The following ARHGAP45 variants were observed in gnomAD, a reference collection of about 807,000 sequenced individuals.
ARHGAP45 encodes Rho GTPase activating protein 45.
ARHGAP45 carries 56 observed loss-of-function variants against 116.1 expected under a neutral mutation model. That is an observed-to-expected ratio of 0.48 (90% CI 0.39 to 0.60). ARHGAP45 has a LOEUF of 0.60. Ranked by LOEUF, ARHGAP45 falls within the 20% of genes least tolerant of loss-of-function variation. The probability of loss-of-function intolerance (pLI) is 0.00; values close to 1 mark genes in which losing one functional copy is unlikely to be tolerated. For missense variants in ARHGAP45, 1,622 were observed against 1,601.0 expected, an observed-to-expected ratio of 1.01 and a Z score of -0.22; for synonymous variants, 866 against 701.7, an observed-to-expected ratio of 1.23 and a Z score of -3.70.
In ARHGAP45 at chr19:1,080,342, C is replaced by T. The variant is rs1365758111; in HGVS notation, c.1791C>T (p.Gly597=). 1 of 1,608,626 alleles carries T rather than the reference C, an allele frequency of 6.2e-7. No individual in the cohort carries two copies. The highest frequency in any genetic ancestry group is 8.5e-7 in the Non-Finnish European group (1 of 1,179,048). ...CTGCCGGGAGCCCCCCAGAAGAAGG[C>T]GGGTGCACTGAGGGCACACCTGCCA... The part of the protein sequence containing the change: ...PEAAGSPPEE[G]GCTEGTPAKD... Residue 597 remains glycine (G), a synonymous_variant, in exon 14 of 23, where the codon GGC becomes GGT. Coordinates refer to ENST00000313093, the MANE Select transcript of ARHGAP45 (RefSeq NM_012292.5).
chr19:1,082,756 TG>T (rs2043477611), intron 19 of ARHGAP45, 83 bp from the exon 20 acceptor site: 1 of 1,117,592 alleles, frequency 8.9e-7, no homozygotes, highest in Admixed American at 4.0e-5. Flanking sequence ...TCTGTGGGGG[TG>T]GGGCTGAGGC....
chr19:1,081,759 G>A, intron 18 of ARHGAP45, 21 bp downstream of exon 18: 1 of 1,557,670 alleles, frequency 6.4e-7, no homozygotes, highest in Non-Finnish European at 8.7e-7. Flanking sequence ...GGAGGAAGCG[G>A]CTCACAGCGA....
In ARHGAP45 at chr19:1,082,855, A is replaced by G; in HGVS notation, c.2533A>G (p.Ile845Val). Residue 845 changes from isoleucine to valine, a missense_variant, in exon 20 of 23, where the codon ATC becomes GTC. By Grantham distance (29) the Ile-to-Val change is conservative (BLOSUM62 3). This residue lies in a region of ARHGAP45 where 1,334 missense variants were observed against 1,263.8 expected (regional missense o/e 1.06). Transcript: ENST00000313093. ...LYLRQLPEPL[I>V]SFRLYHELVG... ...CTCTGCGCAGCTTCCCGAGCCGCTCATCTCCTTCCGCCTCTACCACGAGCT... is the reference window on the plus strand; with the variant it reads ...CTCTGCGCAGCTTCCCGAGCCGCTCGTCTCCTTCCGCCTCTACCACGAGCT... The G allele has an allele frequency of 1.3e-6, 2 of 1,532,350 alleles. No homozygotes were observed. The highest frequency in any genetic ancestry group is 1.8e-6 in the Non-Finnish European group (2 of 1,139,812). 94.9% of individuals were successfully genotyped at this position (1,532,350 alleles called of 1,614,324 possible). A position where few individuals can be genotyped will look rare whatever the true frequency, so the allele number is the denominator to read the frequency against.
chr19:1,067,450 C>A lies in ARHGAP45; in HGVS notation c.45C>A (p.Ile15=). The A allele has an allele frequency of 1.2e-6, 2 of 1,605,792 alleles. No homozygotes were observed. The highest frequency in any genetic ancestry group is 1.7e-6 in the Non-Finnish European group (2 of 1,176,650). ...KKRELMKTPS[I]SKKNRAGSPS... is the part of the protein sequence containing the mutation. The stretch of plus-strand genomic sequence containing the variant: ...GAGAGCTCATGAAAACCCCTTCCAT[C>A]TCGAAAAAGAACCGCGCGGGAAGCC... Residue 15 remains isoleucine (I), a synonymous_variant, in exon 1 of 23, where the codon ATC becomes ATA. Coordinates refer to ENST00000313093, the MANE Select transcript of ARHGAP45 (RefSeq NM_012292.5).
At chr19:1,081,495 G>C in intron 17 of ARHGAP45, 55 bp from the exon 18 acceptor site, 2 of 1,425,766 alleles carry the variant, frequency 1.4e-6, no homozygotes, top group Non-Finnish European at 1.8e-6. Flanking sequence ...GCCGCTGGGG[G>C]CTGCGCTGAG....
Position 1,085,748 on chromosome 19 carries a change from C to T in ARHGAP45, c.3153C>T (p.His1051=), listed in dbSNP as rs779476323. The T allele has an allele frequency of 4.3e-6, 7 of 1,612,426 alleles. No homozygotes were observed. The highest frequency in any genetic ancestry group is 5.9e-6 in the Non-Finnish European group (7 of 1,179,734). Residue 1051 remains histidine (H), a synonymous_variant, in exon 23 of 23, where the codon CAC becomes CAT. Coordinates refer to ENST00000313093, the MANE Select transcript of ARHGAP45 (RefSeq NM_012292.5). The part of the protein sequence containing the change: ...LSSSEASALG[H]LSFLEQQQSE... The stretch of plus-strand genomic sequence containing the variant: ...CATCGGAGGCCAGTGCCCTGGGCCA[C>T]CTCAGCTTCCTGGAGCAGCAGCAGA...
upstream of ARHGAP45, chr19:1,066,220 G>T: frequency 6.8e-7 from 1 of 1,465,596 alleles, no homozygotes; most frequent in Admixed American, 2.0e-5. Context: ...GATTGGGGGT[G>T]GGGTTCTGGA....
In ARHGAP45 at chr19:1,085,774, G is replaced by T; in HGVS notation, c.3179G>T (p.Ser1060Ile). The change falls in exon 23 of 23, where the codon AGC (serine) becomes ATC (isoleucine). Residue 1060 changes from serine (S) to isoleucine (I), a missense_variant. This residue lies in a region of ARHGAP45 where 1,334 missense variants were observed against 1,263.8 expected (regional missense o/e 1.06). Coordinates refer to ENST00000313093, the MANE Select transcript of ARHGAP45 (RefSeq NM_012292.5). ...GHLSFLEQQQSEASLEVASGS... is the reference protein window; with the variant it reads ...GHLSFLEQQQIEASLEVASGS... ...CTCAGCTTCCTGGAGCAGCAGCAGAGCGAGGCCAGCCTAGAGGTGGCTTCT... is the reference window on the plus strand; with the variant it reads ...CTCAGCTTCCTGGAGCAGCAGCAGATCGAGGCCAGCCTAGAGGTGGCTTCT... 1 of 1,612,744 alleles carries T rather than the reference G, an allele frequency of 6.2e-7. No individual in the cohort carries two copies. Among genetic ancestry groups the T allele is most frequent in the Non-Finnish European group, 8.5e-7 (1 of 1,179,846 alleles).
rs975891283 is a variant in ARHGAP45 at position 1,086,419 on chromosome 19, T to C, written c.*413T>C. On this transcript the variant is annotated 3_prime_UTR_variant, in exon 23 of 23. Transcript: ENST00000313093. ...GTTGCAGGGACTCCAGAAACCATTC[T>C]GGGAGCCGTGGATGGGGGCGGAGCT... 2.4e-4 allele frequency: 43 copies of C among 178,586 alleles called. No individual in the cohort carries two copies. The highest frequency in any genetic ancestry group is 8.4e-5 in the Non-Finnish European group (7 of 83,432). The allele number at this position is 178,586 out of a possible 1,614,324, so 11.1% of individuals were successfully genotyped here. A position where few individuals can be genotyped will look rare whatever the true frequency, so the allele number is the denominator to read the frequency against.
intron 10 of ARHGAP45, chr19:1,077,168 C>T: frequency 1.0e-6 from 1 of 985,336 alleles, no homozygotes; most frequent in Non-Finnish European, 1.2e-6. Flanking sequence ...CCTGCCTGGG[C>T]GGCTTCTCTG....
Position 1,086,165 on chromosome 19 carries a change from A to C in ARHGAP45, c.*159A>C. ...CCCACCAGCGGGCGCCTCCTCCCAG[A>C]GGCTTCCAGGAGCACGAGGGCCTTG... On this transcript the variant is annotated 3_prime_UTR_variant, in exon 23 of 23. Coordinates refer to ENST00000313093, the MANE Select transcript of ARHGAP45 (RefSeq NM_012292.5). 1 of 645,172 alleles carries C rather than the reference A, an allele frequency of 1.5e-6. No individual in the cohort carries two copies. The highest frequency in any genetic ancestry group is 2.7e-6 in the Non-Finnish European group (1 of 375,854). The allele number at this position is 645,172 out of a possible 1,614,324, so 40.0% of individuals were successfully genotyped here.
intron 10 of ARHGAP45, among the ~76,000 whole-genome samples, chr19:1,075,330 C>T (rs540513723): frequency 2.0e-5 from 3 of 151,358 alleles, no homozygotes; most frequent in African/African-American, 7.3e-5. Context: ...CTGCAACCTC[C>T]ATCTCCCTGG....
At position 1,068,710 on chromosome 19, in the gene ARHGAP45, C is replaced by G; in HGVS notation, c.387C>G (p.Gly129=). The change falls in exon 2 of 23, where the codon GGC becomes GGG. Residue 129 remains glycine (G), a synonymous_variant. Coordinates refer to ENST00000313093, the MANE Select transcript of ARHGAP45 (RefSeq NM_012292.5). The surrounding 1 kb of genome is among the most constrained non-coding windows in gnomAD (Gnocchi z 7.5). ...LLADVARFAE[G]LEKLKECVLR... ...CGGACGTGGCCCGCTTCGCTGAGGG[C>G]CTTGAGAAACTTAAGGAGTGTGTGT... 6.2e-7 allele frequency: 1 copy of G among 1,612,576 alleles called. No individual in the cohort carries two copies. Among genetic ancestry groups the G allele is most frequent in the Non-Finnish European group, 8.5e-7 (1 of 1,179,992 alleles).
intron 10 of ARHGAP45, among the ~76,000 whole-genome samples, chr19:1,076,115 C>G (rs541552560): frequency 6.6e-6 from 1 of 152,176 alleles, no homozygotes; most frequent in South Asian, 2.1e-4. Flanking sequence ...GTTGCTGTTA[C>G]GAACACCATT....
chr19:1,080,785 G>C lies in ARHGAP45; in HGVS notation c.2016G>C (p.Gln672His). Residue 672 changes from glutamine (Q) to histidine (H), a missense_variant and splice_region_variant, in exon 16 of 23, where the codon CAG (glutamine) becomes CAC (histidine). By Grantham distance (24) the Gln-to-His change is conservative (BLOSUM62 0). Transcript: ENST00000313093. ...GAGCCGGGGCTTCAGCCTTTGAGCA[G>C]GGTGAGGGTCCCCTGACGGGGCTGG... ...DGGAGASAFE[Q>H]ADLNGMTPEL... 6.2e-7 allele frequency: 1 copy of C among 1,613,312 alleles called. No individual in the cohort carries two copies. The highest frequency in any genetic ancestry group is 8.5e-7 in the Non-Finnish European group (1 of 1,179,924).
At position 1,082,990 on chromosome 19, in the gene ARHGAP45, C is replaced by A. The variant is rs755709803; in HGVS notation, c.2668C>A (p.Arg890=). The change falls in exon 20 of 23, where the codon CGG becomes AGG. Residue 890 remains arginine, a synonymous_variant. Transcript: ENST00000313093. ...GGCAGTGGCGGTGGCCCTGGCAGGT[C>A]GGCTGCGGGAGCTCCTGCGGGACCT... ...SEAVAVALAG[R]LRELLRDLPP... is the part of the protein sequence containing the mutation. 2.6e-6 allele frequency: 4 copies of A among 1,549,746 alleles called. No individual in the cohort carries two copies. In the African/African-American group the frequency reaches 5.4e-5, roughly 21 times the overall value.
Position 1,073,929 on chromosome 19 carries a change from C to T in ARHGAP45, c.724-19C>T. 6.5e-7 allele frequency: 1 copy of T among 1,543,728 alleles called. No individual in the cohort carries two copies. The highest frequency in any genetic ancestry group is 1.2e-5 in the South Asian group (1 of 82,872). On this transcript the variant is annotated intron_variant, in intron 5 of 22. Coordinates refer to ENST00000313093, the MANE Select transcript of ARHGAP45 (RefSeq NM_012292.5). Reference sequence around the variant, plus strand: ...GGGCCCCGCATGGGGCTGGTCTCACCTGCGTCTCCGTCCTACAGTCCATGG... The same window carrying T: ...GGGCCCCGCATGGGGCTGGTCTCACTTGCGTCTCCGTCCTACAGTCCATGG...
chr19:1,078,227 T>C (rs2043317162), intron 11 of ARHGAP45, among the ~76,000 whole-genome samples, 182 bp downstream of exon 11: 1 of 151,014 alleles, frequency 6.6e-6, no homozygotes, highest in Admixed American at 6.6e-5. Context: ...CACTGCAAGC[T>C]CCGCCTCCCG....
At chr19:1,084,771 C>T (rs2043553369) in intron 22 of ARHGAP45, among the ~76,000 whole-genome samples, 1 of 152,178 alleles carries the variant, frequency 6.6e-6, no homozygotes, top group South Asian at 2.1e-4. Context: ...CCTGTGTTGT[C>T]TGTCTTCACA....
Sources: allele counts gnomAD v4.1 joint callset (sites outside exome capture counted in the v4.1 genomes callset), GRCh38; gene constraint gnomAD v4.1.1; regional missense constraint gnomAD v4.1.1; non-coding constraint Gnocchi (gnomAD v3.1); transcripts MANE v1.5; gene names NCBI Gene and HGNC (gene_info 2026-07-23, HGNC 2026-07-21).